STK32C: variants seen among roughly 807,000 people sequenced by gnomAD.
STK32C encodes serine/threonine kinase 32C.
A neutral mutation model predicts 56.5 loss-of-function variants in STK32C; 31 were observed. The observed-to-expected ratio is 0.55, with a 90% CI of 0.41 to 0.74. STK32C has a LOEUF of 0.74. Ranked by LOEUF, STK32C falls within the 30% of genes least tolerant of loss-of-function variation. The pLI is 0.00. For synonymous variants in STK32C, 309 were observed against 289.4 expected, an observed-to-expected ratio of 1.07 and a Z score of -0.69; for missense variants, 544 against 676.9, an observed-to-expected ratio of 0.80 and a Z score of 2.18.
chr10:132,278,665 C>T (rs563443174), intron 1 of STK32C, among the ~76,000 whole-genome samples: 7 of 146,918 alleles, frequency 4.8e-5, no homozygotes, highest in South Asian at 4.4e-4. Flanking sequence ...GGAGGCTGGG[C>T]GGGAGAATGG....
chr10:132,246,639 C>T (rs923645286), intron 1 of STK32C, among the ~76,000 whole-genome samples: 1 of 152,224 alleles, frequency 6.6e-6, no homozygotes, highest in African/African-American at 2.4e-5. Context: ...GGGAGAAGGA[C>T]GGCTCCCCTA....
intron 1 of STK32C, among the ~76,000 whole-genome samples, chr10:132,257,875 C>T (rs900417596): frequency 6.6e-6 from 1 of 152,190 alleles, no homozygotes; most frequent in Non-Finnish European, 1.5e-5. Flanking sequence ...CTCCACTGTG[C>T]AGCCTGCCTG....
At chr10:132,259,032 C>A (rs1190905495) in intron 1 of STK32C, among the ~76,000 whole-genome samples, 1 of 129,968 alleles carries the variant, frequency 7.7e-6, no homozygotes, top group Non-Finnish European at 1.6e-5. Flanking sequence ...TGGGAGGCTG[C>A]TGCACCGGGT....
At chr10:132,264,720 G>A (rs2064439516) in intron 1 of STK32C, among the ~76,000 whole-genome samples, 3 of 152,124 alleles carry the variant, frequency 2.0e-5, no homozygotes, top group Admixed American at 1.3e-4. Context: ...ACCCCCACAG[G>A]GCCTGTCACC....
chr10:132,319,749 AT>A (rs2138455605), downstream of STK32C, among the ~76,000 whole-genome samples: 1 of 152,254 alleles, frequency 6.6e-6, no homozygotes, highest in South Asian at 2.1e-4. Context: ...GATGGTATAA[AT>A]TTACTGTAAA....
At chr10:132,309,956 G>C (rs1384664211), upstream of STK32C, among the ~76,000 whole-genome samples, 1 of 152,188 alleles carries the variant, frequency 6.6e-6, no homozygotes, top group Non-Finnish European at 1.5e-5. Flanking sequence ...AGCTGACTCT[G>C]AAGATTGGAG....
downstream of STK32C, among the ~76,000 whole-genome samples, chr10:132,319,594 C>A (rs2138455017): frequency 6.6e-6 from 1 of 152,340 alleles, no homozygotes; most frequent in African/African-American, 2.4e-5. Context: ...CTGTCTGACT[C>A]CATTTACCTA....
intron 2 of STK32C, among the ~76,000 whole-genome samples, chr10:132,238,684 AG>A (rs1311515227): frequency 6.6e-6 from 1 of 152,138 alleles, no homozygotes; most frequent in Non-Finnish European, 1.5e-5. Context: ...TCTGATCTCT[AG>A]GAAGTGGCTG....
chr10:132,285,899 A>C (rs2065386539), intron 1 of STK32C, among the ~76,000 whole-genome samples: 1 of 152,232 alleles, frequency 6.6e-6, no homozygotes, highest in Non-Finnish European at 1.5e-5. Flanking sequence ...AGGCGGGCAG[A>C]TCATGAGGTC....
chr10:132,234,831 T>C (rs941030611), intron 2 of STK32C, among the ~76,000 whole-genome samples: 4 of 152,196 alleles, frequency 2.6e-5, no homozygotes, highest in Non-Finnish European at 5.9e-5. Context: ...CATGGGCTAA[T>C]TTGTTACAGC....
At chr10:132,227,094 A>T in intron 3 of STK32C, 126 bp from the exon 4 acceptor site, 1 of 1,138,406 alleles carries the variant, frequency 8.8e-7, no homozygotes, top group Admixed American at 2.1e-5. Flanking sequence ...AGGCATTCCC[A>T]GGAGGAGGGG....
chr10:132,295,943 A>G (rs566971018), intron 1 of STK32C, among the ~76,000 whole-genome samples: 1 of 151,710 alleles, frequency 6.6e-6, no homozygotes, highest in South Asian at 2.1e-4. Flanking sequence ...GGGGACCATA[A>G]CTACCCCCAC....
chr10:132,245,362 C>A (rs1438048751), intron 2 of STK32C, among the ~76,000 whole-genome samples: 1 of 152,298 alleles, frequency 6.6e-6, no homozygotes, highest in African/African-American at 2.4e-5. Context: ...TTATAATTAC[C>A]CCCAATCTCT....
rs559082866 is a variant in STK32C at position 132,296,062 on chromosome 10, G to A, written c.262+11510C>T. Among the ~76,000 whole-genome samples, 17 of 149,398 alleles carry A rather than the reference G, an allele frequency of 1.1e-4. No individual in the cohort carries two copies. In the East Asian group the frequency reaches 2.7e-3, roughly 24 times the overall value. On this transcript the variant is annotated intron_variant, in intron 1 of 11. Coordinates refer to ENST00000298630, the MANE Select transcript of STK32C (RefSeq NM_173575.4). ...CCTCACCAGTGACAGGGCCAGCATC[G>A]GCAGGAAGGTGTGTGGACAGCGTGT...
At chr10:132,269,793 G>A (rs140455430) in intron 1 of STK32C, among the ~76,000 whole-genome samples, 3 of 152,316 alleles carry the variant, frequency 2.0e-5, no homozygotes, top group Admixed American at 6.5e-5. Context: ...TGACTCCAGC[G>A]GCACAGTGGG....
At chr10:132,263,204 G>A (rs113449734) in intron 1 of STK32C, among the ~76,000 whole-genome samples, 4 of 152,198 alleles carry the variant, frequency 2.6e-5, no homozygotes, top group Admixed American at 2.0e-4. Context: ...GCCCATCCAC[G>A]GTGGACTGGA....
chr10:132,287,268 G>A (rs1008748912), intron 1 of STK32C, among the ~76,000 whole-genome samples: 4 of 151,886 alleles, frequency 2.6e-5, no homozygotes, highest in Non-Finnish European at 2.9e-5. Context: ...CAAGGGAGGC[G>A]GATCACTAGG....
chr10:132,282,076 G>C (rs999141523), intron 1 of STK32C, among the ~76,000 whole-genome samples: 3 of 152,362 alleles, frequency 2.0e-5, no homozygotes, highest in East Asian at 3.9e-4. Context: ...CAGCCCAGCC[G>C]CTCCGGGGGT....
rs143962087 is a variant in STK32C at position 132,303,055 on chromosome 10, T to C, written c.262+4517A>G. On this transcript the variant is annotated intron_variant, in intron 1 of 11. Coordinates refer to ENST00000298630, the MANE Select transcript of STK32C (RefSeq NM_173575.4). ...AGGTGAACCTTGTAAAAGTGGAGCG[T>C]TCCTTCACATCAGCAGCAGCCAGCG... Among the ~76,000 whole-genome samples, 15 of 152,276 alleles carry C rather than the reference T, an allele frequency of 9.9e-5. No individual in the cohort carries two copies. The East Asian group carries it at 2.9e-3, about 29-fold the overall frequency.
Sources: allele counts gnomAD v4.1 joint callset (sites outside exome capture counted in the v4.1 genomes callset), GRCh38; gene constraint gnomAD v4.1.1; transcripts MANE v1.5; gene names NCBI Gene and HGNC (gene_info 2026-07-23, HGNC 2026-07-21).